The following RCHY1 variants were observed in gnomAD, a reference collection of about 807,000 sequenced individuals.
RCHY1 encodes RING finger and CHY zinc finger domain-containing protein 1.
A neutral mutation model predicts 41.6 loss-of-function variants in RCHY1; 21 were observed. That is an observed-to-expected ratio of 0.51 (90% confidence interval 0.36 to 0.73). The LOEUF (loss-of-function observed/expected upper bound fraction) is 0.73. Ranked by LOEUF, RCHY1 falls within the 30% of genes least tolerant of loss-of-function variation. The probability of loss-of-function intolerance (pLI) is 0.00; values close to 1 mark genes in which losing one functional copy is unlikely to be tolerated. For missense variants in RCHY1, 265 were observed against 325.3 expected (o/e 0.81, Z 1.43); for synonymous variants, 79 against 102.9 (o/e 0.77, Z 1.41).
intron 4 of RCHY1, among the ~76,000 whole-genome samples, chr4:75,493,559 T>C (rs1321321048): frequency 1.3e-5 from 2 of 151,870 alleles, no homozygotes; most frequent in Admixed American, 1.3e-4. Context: ...CACTTCACTT[T>C]ACACCAATCC....
In RCHY1 at chr4:75,479,126, T is replaced by C. The variant is rs181149568; in HGVS notation, c.*3412A>G. 2.0e-5 allele frequency: 3 copies of C among 152,138 alleles called. No homozygotes were observed. The highest frequency in any genetic ancestry group is 2.0e-4 in the Admixed American group (3 of 15,284). 9.4% of individuals were successfully genotyped at this position (152,138 alleles called of 1,614,324 possible). A position where few individuals can be genotyped will look rare whatever the true frequency, so the allele number is the denominator to read the frequency against. ...TTGTACATTTCAAAAATATTAAGAG[T>C]AGATTTTAAGTGGTTTTTTTACCAC... On this transcript the variant is annotated 3_prime_UTR_variant, in exon 9 of 9. Transcript: ENST00000324439.
chr4:75,487,642 C>CATAAT (rs1553917606), intron 8 of RCHY1, among the ~76,000 whole-genome samples: 8 of 8,884 alleles, frequency 9.0e-4, no homozygotes, highest in South Asian at 5.1e-3. Flanking sequence ...TATATATATT[C>CATAAT]ATATATATTC....
chr4:75,483,051 C>A (rs764169229), intron 8 of RCHY1, among the ~76,000 whole-genome samples: 3 of 152,070 alleles, frequency 2.0e-5, no homozygotes, highest in Non-Finnish European at 4.4e-5. Context: ...ATTAATAAAA[C>A]CAAAATTTTT....
rs368450293 is a variant in RCHY1 at position 75,488,421 on chromosome 4, T to C, written c.657+2160A>G. On this transcript the variant is annotated intron_variant, in intron 8 of 8. Coordinates refer to ENST00000324439, the MANE Select transcript of RCHY1 (RefSeq NM_015436.4). ...AAGGATGAAAAGGACCCTGACAAAC[T>C]CTCTTAAATATAGACTTCTGACAAC... is the stretch of plus-strand genomic sequence containing the variant. 9.9e-5 allele frequency among the ~76,000 whole-genome samples: 15 copies of C among 152,226 alleles called. No homozygotes were observed. In the East Asian group the frequency reaches 2.9e-3, roughly 29 times the overall value.
At chr4:75,512,867 C>G (rs1725056586) in intron 1 of RCHY1, among the ~76,000 whole-genome samples, 1 of 134,982 alleles carries the variant, frequency 7.4e-6, no homozygotes, top group South Asian at 2.3e-4. Context: ...TGACCACATC[C>G]TCCTTGAAAT....
intron 3 of RCHY1, among the ~76,000 whole-genome samples, chr4:75,507,266 T>C (rs1417889326): frequency 6.6e-6 from 1 of 152,096 alleles, no homozygotes; most frequent in Non-Finnish European, 1.5e-5. Flanking sequence ...AAGGTCCTAA[T>C]ATTGTCCAAG....
Position 75,506,033 on chromosome 4 carries a change from G to A in RCHY1, c.326+2787C>T, listed in dbSNP as rs1724265224. On this transcript the variant is annotated intron_variant, in intron 3 of 8. Coordinates refer to ENST00000324439, the MANE Select transcript of RCHY1 (RefSeq NM_015436.4). ...ATTCCACCACGAAAGAGATGGGCCT[G>A]GTAAACAACCCTAGCTTTAAGTCAA... 2.7e-5 allele frequency among the ~76,000 whole-genome samples: 4 copies of A among 150,818 alleles called. No homozygotes were observed. In the South Asian group the frequency reaches 8.4e-4, roughly 32 times the overall value.
At chr4:75,485,276 C>T (rs150901164) in intron 8 of RCHY1, among the ~76,000 whole-genome samples, 1 of 152,306 alleles carries the variant, frequency 6.6e-6, no homozygotes, top group African/African-American at 2.4e-5. Flanking sequence ...GTGGGCTCCA[C>T]CCTGAACTCA....
At chr4:75,506,868 G>A (rs755446859) in intron 3 of RCHY1, among the ~76,000 whole-genome samples, 10 of 152,058 alleles carry the variant, frequency 6.6e-5, no homozygotes, top group Non-Finnish European at 1.3e-4. Flanking sequence ...AACAACCAAT[G>A]ACTTAAAAAA....
chr4:75,502,106 T>C (rs17000597), intron 3 of RCHY1, among the ~76,000 whole-genome samples: 12,305 of 152,172 alleles, frequency 0.081, 836 homozygotes, highest in African/African-American at 0.18. Flanking sequence ...GGATTTTGAT[T>C]AAATTCAGCA....
chr4:75,485,572 G>T (rs752912225), intron 8 of RCHY1, among the ~76,000 whole-genome samples: 19 of 152,124 alleles, frequency 1.2e-4, no homozygotes, highest in Admixed American at 7.2e-4. Flanking sequence ...TTGAGCAAAT[G>T]ATGGTACAAT....
chr4:75,512,208 C>T (rs1724957489), intron 1 of RCHY1, among the ~76,000 whole-genome samples: 1 of 152,182 alleles, frequency 6.6e-6, no homozygotes, highest in Non-Finnish European at 1.5e-5. Flanking sequence ...TCTCATTCTT[C>T]CAGAGTCTAA....
chr4:75,512,905 G>C (rs1183643551), intron 1 of RCHY1, among the ~76,000 whole-genome samples: 3 of 18,342 alleles, frequency 1.6e-4, no homozygotes, highest in Middle Eastern at 0.033. Flanking sequence ...GTATTTAAGG[G>C]GGGGGGGGGG....
intron 1 of RCHY1, among the ~76,000 whole-genome samples, chr4:75,513,208 G>C (rs1405805349): frequency 6.6e-6 from 1 of 152,136 alleles, no homozygotes; most frequent in African/African-American, 2.4e-5. Context: ...TGCACGTACA[G>C]GCCTGAGACT....
At chr4:75,490,485 A>C in intron 8 of RCHY1, 96 bp downstream of exon 8, 2 of 887,960 alleles carry the variant, frequency 2.3e-6, no homozygotes, top group Non-Finnish European at 3.4e-6. Context: ...TCAAACCAGT[A>C]TATATATATT....
At position 75,482,684 on chromosome 4, in the gene RCHY1, CA is replaced by C. The variant is rs1349928663; in HGVS notation, c.658-19del. ...CAGAGAATCTGAAAAGAGATTAATT[CA>C]AATTAAGTATTTTAAACCTTATAAA... On this transcript the variant is annotated intron_variant, in intron 8 of 8. Transcript: ENST00000324439. The C allele has an allele frequency of 3.8e-6, 6 of 1,570,870 alleles. No individual in the cohort carries two copies. The highest frequency in any genetic ancestry group is 5.2e-6 in the Non-Finnish European group (6 of 1,152,528).
At position 75,482,603 on chromosome 4, in the gene RCHY1, T is replaced by TA. The variant is rs752727588; in HGVS notation, c.720dup (p.Lys241Ter). The TA allele has an allele frequency of 6.2e-7, 1 of 1,612,578 alleles. No individual in the cohort carries two copies. Among genetic ancestry groups the TA allele is most frequent in the South Asian group, 1.1e-5 (1 of 90,990 alleles). Reference sequence around the variant, plus strand: ...GCAGTATTATAGGATTCACAAATCTTACATTTCATGCCTAATATATGAAAC... The same window carrying TA: ...GCAGTATTATAGGATTCACAAATCTTAACATTTCATGCCTAATATATGAAAC... On this transcript the variant is annotated frameshift_variant, in exon 9 of 9. Transcript: ENST00000324439. LOFTEE classifies it high-confidence loss of function.
At position 75,479,130 on chromosome 4, in the gene RCHY1, T is replaced by C. The variant is rs957416751; in HGVS notation, c.*3408A>G. The C allele has an allele frequency of 2.6e-5, 4 of 152,114 alleles. No homozygotes were observed. Among genetic ancestry groups the C allele is most frequent in the South Asian group, 2.1e-4 (1 of 4,828 alleles). The allele number at this position is 152,114 out of a possible 1,614,324, so 9.4% of individuals were successfully genotyped here. A position where few individuals can be genotyped will look rare whatever the true frequency, so the allele number is the denominator to read the frequency against. On this transcript the variant is annotated 3_prime_UTR_variant, in exon 9 of 9. Coordinates refer to ENST00000324439, the MANE Select transcript of RCHY1 (RefSeq NM_015436.4). ...ACATTTCAAAAATATTAAGAGTAGA[T>C]TTTAAGTGGTTTTTTTACCACAAAA... is the stretch of plus-strand genomic sequence containing the variant.
Position 75,481,257 on chromosome 4 carries a change from T to C in RCHY1, c.*1281A>G, listed in dbSNP as rs1301724378. The stretch of plus-strand genomic sequence containing the variant: ...TAAATGTGCCAGAACTCTTAGGCTT[T>C]CTAGTTAAAAGGCTAACTTCCTTAT... On this transcript the variant is annotated 3_prime_UTR_variant, in exon 9 of 9. Coordinates refer to ENST00000324439, the MANE Select transcript of RCHY1 (RefSeq NM_015436.4). The C allele has an allele frequency of 6.6e-6, 1 of 152,230 alleles. No individual in the cohort carries two copies. Among genetic ancestry groups the C allele is most frequent in the Non-Finnish European group, 1.5e-5 (1 of 68,028 alleles). 9.4% of individuals were successfully genotyped at this position (152,230 alleles called of 1,614,324 possible). A position where few individuals can be genotyped will look rare whatever the true frequency, so the allele number is the denominator to read the frequency against.
Sources: gnomAD v4.1 joint callset for allele counts (sites outside exome capture counted in the v4.1 genomes callset) on GRCh38, gnomAD v4.1.1 for gene constraint, MANE v1.5 for transcripts, NCBI Gene and HGNC (gene_info 2026-07-23, HGNC 2026-07-21) for gene names.